The following DPYSL4 variants were observed in gnomAD, a reference collection of about 807,000 sequenced individuals.
The protein encoded by DPYSL4 is dihydropyrimidinase-related protein 4.
In DPYSL4, 43 loss-of-function variants were observed where a neutral mutation model predicts 63.4. The observed-to-expected ratio is 0.68, with a 90% confidence interval of 0.53 to 0.88. The LOEUF (loss-of-function observed/expected upper bound fraction) is 0.88. Ranked by LOEUF, DPYSL4 falls within the 40% of genes least tolerant of loss-of-function variation. The pLI is 0.00. For missense variants in DPYSL4, 733 were observed against 819.5 expected, an observed-to-expected ratio of 0.89 and a Z score of 1.29; for synonymous variants, 353 against 331.7, an observed-to-expected ratio of 1.06 and a Z score of -0.70.
At chr10:132,188,973 A>G (rs975722814) in intron 1 of DPYSL4, among the ~76,000 whole-genome samples, 1 of 152,246 alleles carries the variant, frequency 6.6e-6, no homozygotes, top group African/African-American at 2.4e-5. Flanking sequence ...TCCTGAAAAT[A>G]CAGCCCCACA....
Position 132,204,847 on chromosome 10 carries a change from G to A in DPYSL4, c.1636G>A (p.Ala546Thr). 3 of 1,610,362 alleles carry A rather than the reference G, an allele frequency of 1.9e-6. No homozygotes were observed. The East Asian group carries it at 6.7e-5, about 36-fold the overall frequency. Reference protein sequence around the residue: ...QSGFSLSGSQADDHIARRTAQ... With the variant: ...QSGFSLSGSQTDDHIARRTAQ... ...CTGTGCCCTTTCTTCAGGGTCTCAG[G>A]CTGATGACCACATCGCCCGACGCAC... The change falls in exon 14 of 14, where the codon GCT (alanine) becomes ACT (threonine). Residue 546 changes from alanine to threonine, a missense_variant. Physicochemically the swap from Ala to Thr is moderately conservative, Grantham distance 58. Transcript: ENST00000338492.
chr10:132,186,973 G>C lies in DPYSL4; in HGVS notation c.-91G>C, dbSNP rs994581374. 1.7e-6 allele frequency: 1 copy of C among 583,394 alleles called. No individual in the cohort carries two copies. Among genetic ancestry groups the C allele is most frequent in the Non-Finnish European group, 2.7e-6 (1 of 373,550 alleles). 36.1% of individuals were successfully genotyped at this position (583,394 alleles called of 1,614,324 possible). A position where few individuals can be genotyped will look rare whatever the true frequency, so the allele number is the denominator to read the frequency against. On this transcript the variant is annotated 5_prime_UTR_variant, in exon 1 of 14. Coordinates refer to ENST00000338492, the MANE Select transcript of DPYSL4 (RefSeq NM_006426.3). The stretch of plus-strand genomic sequence containing the variant: ...GCAGTCTGTCTCCCGCCGTCCCCAC[G>C]CACGCGTCCCGGCTCACGCGTCCCC...
intron 7 of DPYSL4, 148 bp from the exon 8 acceptor site, chr10:132,198,703 C>G: frequency 7.7e-7 from 1 of 1,290,376 alleles, no homozygotes; most frequent in Non-Finnish European, 1.1e-6. Flanking sequence ...GTGGGCAGGC[C>G]CAGGCACTGA....
intron 2 of DPYSL4, 51 bp from the exon 3 acceptor site, chr10:132,192,607 T>C: frequency 6.5e-7 from 1 of 1,538,000 alleles, no homozygotes; most frequent in South Asian, 1.3e-5. Flanking sequence ...GGAGCCCATC[T>C]GGGCTCTGAC....
At chr10:132,194,146 CTGCAGGGAGGCTGGG>C (rs2061911278) in intron 3 of DPYSL4, among the ~76,000 whole-genome samples, 1 of 152,272 alleles carries the variant, frequency 6.6e-6, no homozygotes, top group Admixed American at 6.5e-5. Flanking sequence ...CTGTGGGTGG[CTGCAGGGAGGCTGGG>C]TGCCCACTTC....
rs771056121 is a variant in DPYSL4, at chr10:132,200,388, A to G, written c.844A>G (p.Ser282Gly). 20 of 1,613,396 alleles carry G rather than the reference A, an allele frequency of 1.2e-5. No individual in the cohort carries two copies. In the East Asian group the frequency reaches 4.5e-4, roughly 36 times the overall value. Reference protein sequence around the residue: ...VVVFGEPITASLGTDGSHYWS... With the variant: ...VVVFGEPITAGLGTDGSHYWS... ...CGTGTTTGGGGAGCCCATCACCGCC[A>G]GCCTGGGCACCGACGGTTCACACTA... The change falls in exon 9 of 14, where the codon AGC becomes GGC. Residue 282 changes from serine to glycine, a missense_variant. By Grantham distance (56) the Ser-to-Gly change is moderately conservative. Transcript: ENST00000338492.
At chr10:132,187,954 C>T (rs1373679738) in intron 1 of DPYSL4, among the ~76,000 whole-genome samples, 1 of 152,132 alleles carries the variant, frequency 6.6e-6, no homozygotes, top group East Asian at 1.9e-4. Flanking sequence ...TTGGCCTCGG[C>T]GGGAGGGCCG....
chr10:132,201,175 C>G (rs762941996), intron 10 of DPYSL4, among the ~76,000 whole-genome samples, 192 bp downstream of exon 10: 1 of 152,168 alleles, frequency 6.6e-6, no homozygotes, highest in Non-Finnish European at 1.5e-5. Flanking sequence ...AGATGAGACT[C>G]CAACAGCAAC....
chr10:132,193,264 G>A (rs577259926), intron 3 of DPYSL4, among the ~76,000 whole-genome samples: 1 of 152,362 alleles, frequency 6.6e-6, no homozygotes, highest in East Asian at 1.9e-4. Flanking sequence ...GTCAAGAAGA[G>A]TTAAGGATGG....
intron 4 of DPYSL4, 137 bp from the exon 5 acceptor site, chr10:132,196,724 G>A (rs896175531): frequency 7.2e-6 from 7 of 968,636 alleles, no homozygotes; most frequent in South Asian, 4.4e-5. Context: ...CTGCTCCCAG[G>A]GCTGGCAAGC....
chr10:132,199,742 G>A (rs973690341), intron 8 of DPYSL4, among the ~76,000 whole-genome samples: 1 of 152,084 alleles, frequency 6.6e-6, no homozygotes, highest in African/African-American at 2.4e-5. Context: ...CCTGCATCGA[G>A]GGTTGAAACT....
rs552780210 is a variant in DPYSL4 at position 132,198,720 on chromosome 10, G to A, written c.691-131G>A. The A allele has an allele frequency of 1.3e-5, 18 of 1,403,874 alleles. No homozygotes were observed. In the African/African-American group the frequency reaches 2.3e-4, roughly 18 times the overall value. The allele number at this position is 1,403,874 out of a possible 1,614,324, so 87.0% of individuals were successfully genotyped here. On this transcript the variant is annotated intron_variant, in intron 7 of 13. Transcript: ENST00000338492. Reference sequence around the variant, plus strand: ...GGGCAGGCCCAGGCACTGAGCCCGAGGCTGGGCCGCTCCTACTAGGCTGCC... The same window carrying A: ...GGGCAGGCCCAGGCACTGAGCCCGAAGCTGGGCCGCTCCTACTAGGCTGCC...
At chr10:132,204,812 C>G (rs371246780) in intron 13 of DPYSL4, 27 bp from the exon 14 acceptor site, 11 of 1,583,436 alleles carry the variant, frequency 6.9e-6, no homozygotes, top group Non-Finnish European at 9.5e-6. Flanking sequence ...CCTCATTCTC[C>G]CCTGCCCATC....
intron 9 of DPYSL4, 36 bp from the exon 10 acceptor site, chr10:132,200,806 G>A: frequency 6.2e-7 from 1 of 1,600,812 alleles, no homozygotes; most frequent in Non-Finnish European, 8.5e-7. Context: ...GCCGGCTCAG[G>A]AAGGCCAGGA....
At chr10:132,197,342 C>T (rs1164229476) in intron 6 of DPYSL4, among the ~76,000 whole-genome samples, 1 of 152,236 alleles carries the variant, frequency 6.6e-6, no homozygotes, top group Non-Finnish European at 1.5e-5. Flanking sequence ...CCTTGATCAA[C>T]ACTTCTTATC....
At chr10:132,202,532 A>G in intron 11 of DPYSL4, 114 bp from the exon 12 acceptor site, 1 of 1,348,608 alleles carries the variant, frequency 7.4e-7, no homozygotes. Flanking sequence ...GGCTCAGTGT[A>G]GGCACACCGG....
In DPYSL4 at chr10:132,203,466, C is replaced by T. The variant is rs938816693; in HGVS notation, c.1462-296C>T. On this transcript the variant is annotated intron_variant, in intron 12 of 13. Coordinates refer to ENST00000338492, the MANE Select transcript of DPYSL4 (RefSeq NM_006426.3). ...CGTGGGGCCTCGGAGGGAGGTTGAG[C>T]ATGTGCACCTGTGTTGGTAAGACTG... 7 of 452,228 alleles carry T rather than the reference C, an allele frequency of 1.5e-5. No individual in the cohort carries two copies. The Admixed American group carries it at 2.2e-4, about 14-fold the overall frequency. The allele number at this position is 452,228 out of a possible 1,614,324, so 28.0% of individuals were successfully genotyped here.
chr10:132,200,846 G>A lies in DPYSL4; in HGVS notation c.973G>A (p.Asp325Asn), dbSNP rs767073041. ...CTGACCCTGGCTTGTTTCCAGCGGGGACCTCCAGGTGACAGGCAGCGCCCA... is the reference window on the plus strand; with the variant it reads ...CTGACCCTGGCTTGTTTCCAGCGGGAACCTCCAGGTGACAGGCAGCGCCCA... The part of the protein sequence containing the change: ...DHLTCLLSSG[D>N]LQVTGSAHCT... The change falls in exon 10 of 14, where the codon GAC becomes AAC. Residue 325 changes from aspartate (D) to asparagine (N), a missense_variant. By Grantham distance (23) the Asp-to-Asn change is conservative (BLOSUM62 1). Coordinates refer to ENST00000338492, the MANE Select transcript of DPYSL4 (RefSeq NM_006426.3). 6.2e-7 allele frequency: 1 copy of A among 1,612,320 alleles called. No individual in the cohort carries two copies. The highest frequency in any genetic ancestry group is 8.5e-7 in the Non-Finnish European group (1 of 1,179,672).
rs1001680638 is a variant in DPYSL4, at chr10:132,190,691, G to A, written c.40-56G>A. On this transcript the variant is annotated intron_variant, in intron 1 of 13. Coordinates refer to ENST00000338492, the MANE Select transcript of DPYSL4 (RefSeq NM_006426.3). ...ATTTCAGAGGAAGGAGTTGCACCAA[G>A]AGTGTTACTGAGTAACTCAGTTTGG... is the stretch of plus-strand genomic sequence containing the variant. 2.6e-6 allele frequency: 4 copies of A among 1,517,158 alleles called. No individual in the cohort carries two copies. The African/African-American group carries it at 4.1e-5, about 16-fold the overall frequency. 94.0% of individuals were successfully genotyped at this position (1,517,158 alleles called of 1,614,324 possible).
Sources: allele counts gnomAD v4.1 joint callset (sites outside exome capture counted in the v4.1 genomes callset), GRCh38; gene constraint gnomAD v4.1.1; transcripts MANE v1.5; gene names NCBI Gene and HGNC (gene_info 2026-07-23, HGNC 2026-07-21).